The following HIBADH variants were observed in gnomAD, a reference collection of about 807,000 sequenced individuals.
HIBADH encodes the protein 3-hydroxyisobutyrate dehydrogenase.
HIBADH carries 25 observed loss-of-function variants against 36.1 expected under a neutral mutation model. The ratio of observed to expected loss-of-function variants is 0.69; its 90% CI spans 0.50 to 0.97. The LOEUF (loss-of-function observed/expected upper bound fraction) is 0.97. Among genes scored for constraint, HIBADH ranks in the 50% least tolerant of loss-of-function variants. The probability of loss-of-function intolerance (pLI) is 0.00; values close to 1 mark genes in which losing one functional copy is unlikely to be tolerated. For missense variants in HIBADH, 421 were observed against 418.0 expected, an observed-to-expected ratio of 1.01 and a Z score of -0.06; for synonymous variants, 160 against 149.5, an observed-to-expected ratio of 1.07 and a Z score of -0.51.
chr7:27,575,755 GCCT>G (rs766697868), intron 4 of HIBADH, among the ~76,000 whole-genome samples: 3 of 152,142 alleles, frequency 2.0e-5, no homozygotes, highest in Non-Finnish European at 4.4e-5. Flanking sequence ...AGATCATGAG[GCCT>G]CCTCTTGAGC....
intron 4 of HIBADH, among the ~76,000 whole-genome samples, chr7:27,558,251 T>C (rs893358512): frequency 2.0e-5 from 3 of 152,222 alleles, no homozygotes; most frequent in Non-Finnish European, 4.4e-5. Flanking sequence ...AATTACCACA[T>C]TTGTCACATT....
rs560038071 is a variant in HIBADH at position 27,587,638 on chromosome 7, C to T, written c.484+41733G>A. ...CCACTCCCAAACACATGCACTTCCT[C>T]TCCCCACTGCCTATACCCTCTCGCC... is the stretch of plus-strand genomic sequence containing the variant. On this transcript the variant is annotated intron_variant, in intron 4 of 7. Coordinates refer to ENST00000265395, the MANE Select transcript of HIBADH (RefSeq NM_152740.4). Among the ~76,000 whole-genome samples, 4 of 152,340 alleles carry T rather than the reference C, an allele frequency of 2.6e-5. 1 individual carries two copies. The highest frequency in any genetic ancestry group is 7.2e-5 in the African/African-American group (3 of 41,578).
In HIBADH at chr7:27,644,900, G is replaced by C. The variant is rs113239250; in HGVS notation, c.252+4573C>G. Among the ~76,000 whole-genome samples, 13 of 152,268 alleles carry C rather than the reference G, an allele frequency of 8.5e-5. 1 individual carries two copies. Among genetic ancestry groups the C allele is most frequent in the African/African-American group, 3.1e-4 (13 of 41,554 alleles). ...TAGACTTCCTTATTCTGGACTTTCAGGAAAAGTCTATAGTATGTGGTTTTT... is the reference window on the plus strand; with the variant it reads ...TAGACTTCCTTATTCTGGACTTTCACGAAAAGTCTATAGTATGTGGTTTTT... On this transcript the variant is annotated intron_variant, in intron 2 of 7. Transcript: ENST00000265395.
intron 4 of HIBADH, among the ~76,000 whole-genome samples, chr7:27,549,310 TGTTA>T (rs1183418089): frequency 6.6e-6 from 1 of 152,224 alleles, no homozygotes; most frequent in Non-Finnish European, 1.5e-5. Context: ...GTAATGCATA[TGTTA>T]ATTAGTTCGG....
At chr7:27,538,191 C>A in intron 6 of HIBADH, 150 bp downstream of exon 6, 1 of 637,302 alleles carries the variant, frequency 1.6e-6, no homozygotes, top group Admixed American at 2.8e-5. Context: ...GTCCAATAAG[C>A]AAAGTCTATT....
intron 7 of HIBADH, among the ~76,000 whole-genome samples, chr7:27,529,653 T>C (rs1400777977): frequency 6.6e-6 from 1 of 152,228 alleles, no homozygotes; most frequent in Non-Finnish European, 1.5e-5. Flanking sequence ...TTGAGATGGA[T>C]CTACTCCTGG....
intron 4 of HIBADH, among the ~76,000 whole-genome samples, chr7:27,558,389 A>G (rs1209513524): frequency 6.6e-6 from 1 of 152,190 alleles, no homozygotes; most frequent in East Asian, 1.9e-4. Context: ...GTGTGGTGGT[A>G]CAATCTCGAC....
intron 2 of HIBADH, among the ~76,000 whole-genome samples, chr7:27,641,629 A>T (rs547401486): frequency 1.2e-4 from 18 of 152,322 alleles, no homozygotes; most frequent in African/African-American, 4.1e-4. Flanking sequence ...TGAAATAAGA[A>T]TGTTGACATT....
At chr7:27,601,267 T>C (rs1426452184) in intron 4 of HIBADH, among the ~76,000 whole-genome samples, 1 of 152,082 alleles carries the variant, frequency 6.6e-6, no homozygotes, top group African/African-American at 2.4e-5. Context: ...AGATTTCTTT[T>C]GATGAAACTA....
intron 4 of HIBADH, among the ~76,000 whole-genome samples, chr7:27,585,328 A>G (rs1339646043): frequency 6.6e-5 from 10 of 152,086 alleles, no homozygotes. Context: ...GCATACTACC[A>G]AACTGTTCTC....
chr7:27,622,080 T>C (rs988879907), intron 4 of HIBADH, among the ~76,000 whole-genome samples: 2 of 151,878 alleles, frequency 1.3e-5, no homozygotes, highest in African/African-American at 4.8e-5. Context: ...ACAGTGAGAA[T>C]CCATCTCTAC....
rs538828543 is a variant in HIBADH, at chr7:27,579,524, T to C, written c.485-36424A>G. Among the ~76,000 whole-genome samples the C allele has an allele frequency of 2.6e-5, 4 of 152,326 alleles. No homozygotes were observed. In the South Asian group the frequency reaches 6.2e-4, roughly 24 times the overall value. On this transcript the variant is annotated intron_variant, in intron 4 of 7. Transcript: ENST00000265395. ...AAATACCAATGAAGGTAGTTATCTT[T>C]TGATTTACAAAAACAGATATTTTAT... is the stretch of plus-strand genomic sequence containing the variant.
chr7:27,587,897 T>C (rs761151611), intron 4 of HIBADH, among the ~76,000 whole-genome samples: 1 of 152,188 alleles, frequency 6.6e-6, no homozygotes, highest in East Asian at 1.9e-4. Flanking sequence ...AGTCCATCAG[T>C]AGTTACACTT....
rs554010229 is a variant in HIBADH, at chr7:27,558,939, A to AGT, written c.485-15841_485-15840dup. ...TAGTTTGCCAGGGCCATCATAACAA[A>AGT]GTACCACAAACTGGGTGGCTTAAAC... On this transcript the variant is annotated intron_variant, in intron 4 of 7. Transcript: ENST00000265395. 1.3e-4 allele frequency among the ~76,000 whole-genome samples: 20 copies of AGT among 152,332 alleles called. No homozygotes were observed. The East Asian group carries it at 3.1e-3, about 23-fold the overall frequency.
At chr7:27,588,540 ATGC>A (rs1030491829) in intron 4 of HIBADH, among the ~76,000 whole-genome samples, 12 of 152,108 alleles carry the variant, frequency 7.9e-5, no homozygotes, top group Admixed American at 7.2e-4. Flanking sequence ...TGTGTTGCCC[ATGC>A]TGTTCTCTAA....
intron 4 of HIBADH, 38 bp downstream of exon 4, chr7:27,629,333 A>G: frequency 6.3e-7 from 1 of 1,589,366 alleles, no homozygotes; most frequent in East Asian, 2.2e-5. Flanking sequence ...CTTTTGACAA[A>G]CATAAATAGG....
At chr7:27,652,892 G>A (rs562752557) in intron 1 of HIBADH, among the ~76,000 whole-genome samples, 5 of 152,322 alleles carry the variant, frequency 3.3e-5, no homozygotes, top group Admixed American at 2.6e-4. Context: ...ACTTTGGGAG[G>A]CCAAAGTGGG....
intron 6 of HIBADH, among the ~76,000 whole-genome samples, chr7:27,535,229 C>T (rs963456914): frequency 6.6e-6 from 1 of 151,716 alleles, no homozygotes; most frequent in Admixed American, 6.6e-5. Context: ...AGTATAGATA[C>T]ATACAAAGAA....
intron 4 of HIBADH, among the ~76,000 whole-genome samples, chr7:27,543,949 T>G (rs974024121): frequency 1.3e-5 from 2 of 152,150 alleles, no homozygotes; most frequent in African/African-American, 4.8e-5. Flanking sequence ...ATCTAAATTT[T>G]TATTAACTAT....
Sources: gnomAD v4.1 joint callset for allele counts (sites outside exome capture counted in the v4.1 genomes callset) on GRCh38, gnomAD v4.1.1 for gene constraint, MANE v1.5 for transcripts, NCBI Gene and HGNC (gene_info 2026-07-23, HGNC 2026-07-21) for gene names.